PEMT: variants seen among roughly 807,000 people sequenced by gnomAD.
PEMT encodes the protein phospholipid methyltransferase.
In PEMT, 23 loss-of-function variants were observed where a neutral mutation model predicts 27.4. The ratio of observed to expected loss-of-function variants is 0.84; its 90% CI spans 0.60 to 1.19. The LOEUF is 1.19. Ranked by LOEUF, PEMT falls within the 50% of genes most tolerant of loss-of-function variation. The probability of loss-of-function intolerance (pLI) is 0.00; values close to 1 mark genes in which losing one functional copy is unlikely to be tolerated. For synonymous variants in PEMT, 137 were observed against 139.1 expected (o/e 0.98, Z 0.11); for missense variants, 307 against 310.1 (o/e 0.99, Z 0.07).
At position 17,576,984 on chromosome 17, in the gene PEMT, G is replaced by A. The variant is rs1157530130; in HGVS notation, c.140C>T (p.Pro47Leu). 1 of 1,614,116 alleles carries A rather than the reference G, an allele frequency of 6.2e-7. No homozygotes were observed. Among genetic ancestry groups the A allele is most frequent in the Admixed American group, 1.7e-5 (1 of 60,030 alleles). The change falls in exon 2 of 7, where the codon CCC becomes CTC. Residue 47 changes from proline to leucine, a missense_variant. Physicochemically the swap from Pro to Leu is moderately conservative, Grantham distance 98. Coordinates refer to ENST00000255389, the MANE Select transcript of PEMT (RefSeq NM_148172.3). ...VMTRLLGYVD[P>L]LDPSFVAAVI... ...GGCAGCCACAAAGCTGGGATCCAGG[G>A]GGTCCACGTAGCCCAGCAGCCGGGT...
rs73978983 is a variant in PEMT at position 17,582,518 on chromosome 17, G to T, written c.97-5491C>A. On this transcript the variant is annotated intron_variant, in intron 1 of 6. Transcript: ENST00000255389. The surrounding 1 kb of genome is among the most constrained non-coding windows in gnomAD (Gnocchi z 4.9). ...ACAGGCAAAGTCACATCGATTCCAG[G>T]CCACACACCACACACAACAAAGGGC... 1.9e-3 allele frequency: 1,257 copies of T among 666,122 alleles called. 20 individuals are homozygous for T. The African/African-American group carries it at 0.021, about 11-fold the overall frequency. 41.3% of individuals were successfully genotyped at this position (666,122 alleles called of 1,614,324 possible).
At chr17:17,544,668 G>A (rs960391330) in intron 2 of PEMT, among the ~76,000 whole-genome samples, 3 of 152,166 alleles carry the variant, frequency 2.0e-5, no homozygotes, top group Non-Finnish European at 4.4e-5. Flanking sequence ...TGGCACAGGT[G>A]CTCATGAACA....
rs957535860 is a variant in PEMT at position 17,523,017 on chromosome 17, A to G, written c.205-622T>C. ...TACTTTGTTTTTTTTCAAACTAATC[A>G]CATCTGGAATCTCAACATCTGGCCA... On this transcript the variant is annotated intron_variant, in intron 2 of 6. Coordinates refer to ENST00000255389, the MANE Select transcript of PEMT (RefSeq NM_148172.3). The surrounding 1 kb of genome is among the most constrained non-coding windows in gnomAD (Gnocchi z 4.8). 2.0e-5 allele frequency among the ~76,000 whole-genome samples: 3 copies of G among 152,100 alleles called. No individual in the cohort carries two copies. Among genetic ancestry groups the G allele is most frequent in the Non-Finnish European group, 4.4e-5 (3 of 68,016 alleles).
chr17:17,570,317 C>T (rs1911104020), intron 2 of PEMT, among the ~76,000 whole-genome samples: 1 of 152,170 alleles, frequency 6.6e-6, no homozygotes, highest in Admixed American at 6.5e-5. Context: ...ACAGTGACAG[C>T]AGGTATGGCA....
In PEMT at chr17:17,567,301, G is replaced by T. The variant is rs118034559; in HGVS notation, c.204+9619C>A. On this transcript the variant is annotated intron_variant, in intron 2 of 6. Coordinates refer to ENST00000255389, the MANE Select transcript of PEMT (RefSeq NM_148172.3). ...GAGCTGACCCAGTTCGAGACACCTT[G>T]TTGTACACTTTGTCACCACGTTGCT... Among the ~76,000 whole-genome samples the T allele has an allele frequency of 1.0e-2, 1,516 of 152,354 alleles. 16 individuals carry two copies. Among genetic ancestry groups the T allele is most frequent in the South Asian group, 0.03 (145 of 4,832 alleles).
chr17:17,515,093 C>G (rs757055516), intron 3 of PEMT, among the ~76,000 whole-genome samples: 1 of 152,148 alleles, frequency 6.6e-6, no homozygotes, highest in Non-Finnish European at 1.5e-5. Flanking sequence ...AGGCCAGGCC[C>G]GAGACGCTGG....
At chr17:17,517,180 C>G (rs1333111846) in intron 3 of PEMT, among the ~76,000 whole-genome samples, 2 of 152,192 alleles carry the variant, frequency 1.3e-5, no homozygotes, top group Admixed American at 1.3e-4. Flanking sequence ...TTGATTCCAG[C>G]CTGGGGAGTC....
At chr17:17,518,322 G>A (rs1043676868) in intron 3 of PEMT, among the ~76,000 whole-genome samples, 4 of 152,206 alleles carry the variant, frequency 2.6e-5, no homozygotes, top group Admixed American at 2.0e-4. Flanking sequence ...GACCAGCCTT[G>A]TGGCTCATCA....
Position 17,558,698 on chromosome 17 carries a change from AAC to A in PEMT, c.204+18220_204+18221del, listed in dbSNP as rs1466502572. 9.6e-5 allele frequency among the ~76,000 whole-genome samples: 12 copies of A among 124,776 alleles called. 1 individual carries two copies. The highest frequency in any genetic ancestry group is 4.8e-4 in the South Asian group (2 of 4,140). 81.9% of individuals were successfully genotyped at this position (124,776 alleles called of 152,430 possible). A position where few individuals can be genotyped will look rare whatever the true frequency, so the allele number is the denominator to read the frequency against. On this transcript the variant is annotated intron_variant, in intron 2 of 6. Transcript: ENST00000255389. ...CAGTCTCACGAAAAAAAAAAAAAAA[AAC>A]AAAAAGAAAGGGCAGCAGAGTGGAC...
chr17:17,583,463 T>TA (rs1912083816), intron 1 of PEMT, among the ~76,000 whole-genome samples: 1 of 152,228 alleles, frequency 6.6e-6, no homozygotes, highest in South Asian at 2.1e-4. Flanking sequence ...GCCAGCCCCC[T>TA]AACCCTGTTT....
At chr17:17,550,692 G>C (rs975361891) in intron 2 of PEMT, among the ~76,000 whole-genome samples, 3 of 152,180 alleles carry the variant, frequency 2.0e-5, no homozygotes, top group Non-Finnish European at 4.4e-5. Context: ...CTAGTTCAAG[G>C]TCGCAGGTGG....
At chr17:17,536,813 G>A (rs910501192) in intron 2 of PEMT, among the ~76,000 whole-genome samples, 3 of 152,264 alleles carry the variant, frequency 2.0e-5, no homozygotes, top group Non-Finnish European at 4.4e-5. Flanking sequence ...GTATGGCCGG[G>A]AGCAGGATGA....
At chr17:17,531,073 A>G (rs1908057632) in intron 2 of PEMT, among the ~76,000 whole-genome samples, 1 of 151,604 alleles carries the variant, frequency 6.6e-6, no homozygotes, top group South Asian at 2.1e-4. Flanking sequence ...CATTTTTCCT[A>G]GAGAGGCCTG....
chr17:17,533,296 G>C (rs1908234426), intron 2 of PEMT, among the ~76,000 whole-genome samples: 1 of 152,192 alleles, frequency 6.6e-6, no homozygotes, highest in African/African-American at 2.4e-5. Flanking sequence ...AAGAATGAAG[G>C]TGGACTCTCA....
intron 2 of PEMT, among the ~76,000 whole-genome samples, chr17:17,532,724 GACAAAAA>G (rs1225372367): frequency 2.6e-5 from 4 of 151,978 alleles, no homozygotes; most frequent in Non-Finnish European, 4.4e-5. Context: ...TTTAAAAAAA[GACAAAAA>G]ACAAAAAACA....
At chr17:17,534,786 G>T (rs1438138978) in intron 2 of PEMT, among the ~76,000 whole-genome samples, 1 of 152,166 alleles carries the variant, frequency 6.6e-6, no homozygotes, top group East Asian at 1.9e-4. Context: ...CAGCACGAAT[G>T]CACTCCAGCC....
intron 2 of PEMT, among the ~76,000 whole-genome samples, chr17:17,552,194 C>A (rs1296419597): frequency 6.6e-6 from 1 of 152,090 alleles, no homozygotes; most frequent in Non-Finnish European, 1.5e-5. Context: ...TACCTGTAAT[C>A]CCAGCTACTA....
intron 3 of PEMT, chr17:17,518,072 C>G (rs536239803): frequency 1.0e-6 from 1 of 985,532 alleles, no homozygotes; most frequent in African/African-American, 1.7e-5. Flanking sequence ...CACACAGGAG[C>G]CTCTCCCCTC....
chr17:17,520,437 C>T (rs538669170), intron 3 of PEMT, among the ~76,000 whole-genome samples: 1 of 152,344 alleles, frequency 6.6e-6, no homozygotes, highest in African/African-American at 2.4e-5. Flanking sequence ...TGCTGGTCAG[C>T]GCTTCATGAG....
Sources: gnomAD v4.1 joint callset for allele counts (sites outside exome capture counted in the v4.1 genomes callset) on GRCh38, gnomAD v4.1.1 for gene constraint, Gnocchi (gnomAD v3.1) non-coding constraint, MANE v1.5 for transcripts, NCBI Gene and HGNC (gene_info 2026-07-23, HGNC 2026-07-21) for gene names.